The following ATP8B4 variants were observed in gnomAD, a reference collection of about 807,000 sequenced individuals.
ATP8B4 encodes ATPase phospholipid transporting 8B4 (putative).
ATP8B4 carries 133 observed loss-of-function variants against 145.6 expected under a neutral mutation model. The ratio of observed to expected loss-of-function variants is 0.91; its 90% CI spans 0.79 to 1.05. The LOEUF (loss-of-function observed/expected upper bound fraction) is 1.05. Ranked by LOEUF, ATP8B4 falls within the 50% of genes least tolerant of loss-of-function variation. The pLI is 0.00. For synonymous variants in ATP8B4, 507 were observed against 492.9 expected (o/e 1.03, Z -0.38); for missense variants, 1,458 against 1,425.2 (o/e 1.02, Z -0.37).
intron 1 of ATP8B4, among the ~76,000 whole-genome samples, chr15:50,160,333 A>G: frequency 6.6e-6 from 1 of 151,242 alleles, no homozygotes; most frequent in Admixed American, 6.6e-5. Context: ...TTTCGAAAAA[A>G]TTTCATTTCA....
At chr15:50,076,349 G>A (rs1310568581) in intron 2 of ATP8B4, among the ~76,000 whole-genome samples, 2 of 152,070 alleles carry the variant, frequency 1.3e-5, no homozygotes, top group Non-Finnish European at 2.9e-5. Flanking sequence ...AAAATTAGCT[G>A]GGCGTGGTGG....
chr15:50,020,112 G>A (rs1159554739), intron 6 of ATP8B4, among the ~76,000 whole-genome samples: 1 of 151,974 alleles, frequency 6.6e-6, no homozygotes, highest in Non-Finnish European at 1.5e-5. Context: ...ACACCACCAT[G>A]CCTGGCTAAT....
At chr15:50,036,496 A>G (rs1178928064) in intron 6 of ATP8B4, among the ~76,000 whole-genome samples, 1 of 152,226 alleles carries the variant, frequency 6.6e-6, no homozygotes, top group Non-Finnish European at 1.5e-5. Flanking sequence ...GCAGAACCCC[A>G]ACAGCATCCT....
At chr15:50,129,956 A>G (rs941536628) in intron 1 of ATP8B4, among the ~76,000 whole-genome samples, 11 of 151,292 alleles carry the variant, frequency 7.3e-5, no homozygotes, top group Admixed American at 1.3e-4. Flanking sequence ...CAAAAAAAAA[A>G]AAAAAAAAAA....
intron 7 of ATP8B4, chr15:50,009,612 T>TC (rs1416710761): frequency 2.2e-6 from 1 of 445,220 alleles, no homozygotes; most frequent in Non-Finnish European, 4.5e-6. Flanking sequence ...CTACCTTGAT[T>TC]CCACGCACAG....
At chr15:50,080,153 C>T (rs2054451235) in intron 2 of ATP8B4, among the ~76,000 whole-genome samples, 1 of 152,126 alleles carries the variant, frequency 6.6e-6, no homozygotes. Flanking sequence ...AACCTTAAAT[C>T]CCCCAAAATC....
rs2049605917 is a variant in ATP8B4 at position 50,021,917 on chromosome 15, A to G, written c.363-11000T>C. Among the ~76,000 whole-genome samples the G allele has an allele frequency of 1.3e-5, 2 of 152,226 alleles. 1 individual carries two copies. The highest frequency in any genetic ancestry group is 4.1e-4 in the South Asian group (2 of 4,832). On this transcript the variant is annotated intron_variant, in intron 6 of 27. Transcript: ENST00000284509. ...ATGTGTGCATAGCATATTTAGTTCT[A>G]GAGCTGACACGAGTAATAGTTTCAC...
At chr15:50,002,358 C>A (rs187302114) in intron 7 of ATP8B4, 135 bp from the exon 8 acceptor site, 2 of 670,014 alleles carry the variant, frequency 3.0e-6, no homozygotes, top group Admixed American at 6.1e-5. Context: ...AGATCCTGTT[C>A]TACCTCTATG....
At chr15:50,081,061 C>T (rs550681350) in intron 2 of ATP8B4, among the ~76,000 whole-genome samples, 9 of 149,216 alleles carry the variant, frequency 6.0e-5, no homozygotes, top group Admixed American at 1.4e-4. Flanking sequence ...TGCAGTGAGC[C>T]GAGATCACGC....
intron 14 of ATP8B4, among the ~76,000 whole-genome samples, chr15:49,950,167 G>A (rs2042939572): frequency 6.6e-6 from 1 of 152,116 alleles, no homozygotes; most frequent in Admixed American, 6.5e-5. Context: ...GGATGATGCT[G>A]GCTTCATAAA....
intron 3 of ATP8B4, among the ~76,000 whole-genome samples, chr15:50,065,643 T>C (rs2053331722): frequency 6.6e-6 from 1 of 152,180 alleles, no homozygotes; most frequent in Admixed American, 6.6e-5. Context: ...TCTTTTCATT[T>C]CTCAATCTTA....
Position 49,899,386 on chromosome 15 carries a change from G to A in ATP8B4, c.2290-1135C>T, listed in dbSNP as rs117275689. Among the ~76,000 whole-genome samples, 1,162 of 152,182 alleles carry A rather than the reference G, an allele frequency of 7.6e-3. 13 individuals are homozygous for A. The highest frequency in any genetic ancestry group is 0.068 in the South Asian group (329 of 4,830). ...CCCACTAGACAGCAATCCCTAAAAC[G>A]AGAGCCATGTTCTATTCACAGTCTT... On this transcript the variant is annotated intron_variant, in intron 21 of 27. Transcript: ENST00000284509.
chr15:50,156,093 A>C lies in ATP8B4; in HGVS notation c.-43+26168T>G, dbSNP rs28861538. 6.6e-4 allele frequency among the ~76,000 whole-genome samples: 8 copies of C among 12,032 alleles called. 1 individual carries two copies. The highest frequency in any genetic ancestry group is 3.3e-3 in the East Asian group (1 of 304). The allele number at this position is 12,032 out of a possible 152,430, so 7.9% of individuals were successfully genotyped here. A position where few individuals can be genotyped will look rare whatever the true frequency, so the allele number is the denominator to read the frequency against. On this transcript the variant is annotated intron_variant, in intron 1 of 3. Coordinates refer to the ATP8B4 transcript ENST00000558829. ...AAATAAATATATATATATATATATA[A>C]ATATATATATATAAATATATATATA...
At chr15:49,909,590 C>G (rs549695965) in intron 20 of ATP8B4, among the ~76,000 whole-genome samples, 58 of 152,040 alleles carry the variant, frequency 3.8e-4, no homozygotes, top group Middle Eastern at 6.8e-3. Context: ...CTCAGCCTAC[C>G]ACTGCTCCCA....
intron 2 of ATP8B4, among the ~76,000 whole-genome samples, chr15:50,083,220 C>A (rs1355119548): frequency 6.6e-6 from 1 of 152,134 alleles, no homozygotes; most frequent in Admixed American, 6.5e-5. Context: ...TTCCTCTCTC[C>A]TTGGAGACTT....
intron 25 of ATP8B4, among the ~76,000 whole-genome samples, chr15:49,874,319 C>G (rs1255699228): frequency 6.6e-6 from 1 of 152,168 alleles, no homozygotes; most frequent in Non-Finnish European, 1.5e-5. Context: ...GGAGGCCCCT[C>G]TGAAGAAATG....
upstream of ATP8B4, among the ~76,000 whole-genome samples, chr15:50,119,883 A>T (rs1411821297): frequency 1.3e-5 from 2 of 151,504 alleles, no homozygotes; most frequent in Admixed American, 1.3e-4. Flanking sequence ...TAATTTCAGC[A>T]CAGAGGATGC....
intron 3 of ATP8B4, among the ~76,000 whole-genome samples, chr15:50,067,115 T>C (rs1187646815): frequency 6.6e-6 from 1 of 152,128 alleles, no homozygotes; most frequent in Non-Finnish European, 1.5e-5. Context: ...GTTCCATCAC[T>C]GCTTAACAAG....
intron 13 of ATP8B4, among the ~76,000 whole-genome samples, chr15:49,970,481 GACAA>G (rs1230677708): frequency 2.0e-5 from 3 of 152,118 alleles, no homozygotes; most frequent in Non-Finnish European, 2.9e-5. Flanking sequence ...ACCAATAATA[GACAA>G]ACAGAGAGCC....
Sources: allele counts gnomAD v4.1 joint callset (sites outside exome capture counted in the v4.1 genomes callset), GRCh38; gene constraint gnomAD v4.1.1; transcripts MANE v1.5; gene names NCBI Gene and HGNC (gene_info 2026-07-23, HGNC 2026-07-21).